The following METTL15 variants were observed in gnomAD, a reference collection of about 807,000 sequenced individuals.
The protein encoded by METTL15 is 12S rRNA N(4)-cytidine methyltransferase METTL15.
A neutral mutation model predicts 38.3 loss-of-function variants in METTL15; 34 were observed. That is an observed-to-expected ratio of 0.89 (90% CI 0.68 to 1.18). The LOEUF (loss-of-function observed/expected upper bound fraction) is 1.18, where lower values mean the gene tolerates loss of function less well. METTL15 is among the 50% of genes most tolerant of loss of function. The pLI is 0.00. For missense variants in METTL15, 438 were observed against 498.4 expected, an observed-to-expected ratio of 0.88 and a Z score of 1.15; for synonymous variants, 162 against 170.9, an observed-to-expected ratio of 0.95 and a Z score of 0.41.
At chr11:28,481,500 A>G (rs1055385245) in intron 6 of METTL15, among the ~76,000 whole-genome samples, 3 of 152,168 alleles carry the variant, frequency 2.0e-5, no homozygotes, top group Non-Finnish European at 4.4e-5. Context: ...CGTCCCTGCA[A>G]AGGGATTCAG....
chr11:28,338,380 C>G (rs1849920476), downstream of METTL15, among the ~76,000 whole-genome samples: 1 of 151,868 alleles, frequency 6.6e-6, no homozygotes, highest in African/African-American at 2.4e-5. Flanking sequence ...GTTTTGTTAC[C>G]AGGCCCAACA....
intron 5 of METTL15, among the ~76,000 whole-genome samples, chr11:28,372,973 T>C (rs894222801): frequency 6.6e-6 from 1 of 151,778 alleles, no homozygotes; most frequent in Non-Finnish European, 1.5e-5. Flanking sequence ...GGCTGCATAG[T>C]ATTCCATGGT....
At chr11:28,301,740 A>G (rs1429584024) in intron 6 of METTL15, among the ~76,000 whole-genome samples, 5 of 152,186 alleles carry the variant, frequency 3.3e-5, no homozygotes, top group Non-Finnish European at 5.9e-5. Flanking sequence ...GAAAAATGTT[A>G]AATAACATGT....
intron 3 of METTL15, among the ~76,000 whole-genome samples, chr11:28,131,402 C>A (rs1228493011): frequency 6.6e-6 from 1 of 152,050 alleles, no homozygotes; most frequent in East Asian, 1.9e-4. Context: ...CACCGGTGGC[C>A]CCAGTGAGAA....
chr11:28,197,736 A>G (rs1271455881), intron 3 of METTL15, among the ~76,000 whole-genome samples: 1 of 152,108 alleles, frequency 6.6e-6, no homozygotes, highest in East Asian at 1.9e-4. Context: ...ATGCACACAT[A>G]GACACTCTGG....
At chr11:28,468,839 T>C (rs939307357) in intron 6 of METTL15, among the ~76,000 whole-genome samples, 1 of 152,208 alleles carries the variant, frequency 6.6e-6, no homozygotes, top group Non-Finnish European at 1.5e-5. Flanking sequence ...AATAAATGCT[T>C]CATGGTTGAA....
chr11:28,197,015 C>A (rs1011588440), intron 3 of METTL15, among the ~76,000 whole-genome samples: 162 of 151,746 alleles, frequency 1.1e-3, no homozygotes, highest in African/African-American at 2.1e-3. Context: ...GTAATATTTA[C>A]ATTTTGAAAC....
intron 3 of METTL15, among the ~76,000 whole-genome samples, chr11:28,348,419 G>A (rs1450203579): frequency 1.3e-5 from 2 of 152,206 alleles, no homozygotes; most frequent in African/African-American, 4.8e-5. Flanking sequence ...TCAGGCTGGA[G>A]TACAGTGGTG....
In METTL15 at chr11:28,194,186, CT is replaced by C; in HGVS notation, c.271-16875del. ...TTTCTTTCTTTCTTTTTCTCTCTCT[CT>C]CTCTCCTCTCTCTCTCTCTCTCTCT... On this transcript the variant is annotated intron_variant, in intron 3 of 6. Coordinates refer to ENST00000407364, the MANE Select transcript of METTL15 (RefSeq NM_001113528.2). Among the ~76,000 whole-genome samples, 5 of 12,700 alleles carry C rather than the reference CT, an allele frequency of 3.9e-4. No individual in the cohort carries two copies. In the South Asian group the frequency reaches 0.024, roughly 60 times the overall value. 8.3% of individuals were successfully genotyped at this position (12,700 alleles called of 152,430 possible). A position where few individuals can be genotyped will look rare whatever the true frequency, so the allele number is the denominator to read the frequency against.
Position 28,522,104 on chromosome 11 carries a change from C to G in METTL15, c.*425-4374C>G, listed in dbSNP as rs192169194. ...ACTGAGCACACACAATAGGAAAGCT[C>G]TGTGCCTTAATATGAACAGGAGAAT... On this transcript the variant is annotated intron_variant and NMD_transcript_variant, in intron 6 of 7. Coordinates refer to the METTL15 transcript ENST00000532947. Among the ~76,000 whole-genome samples, 28 of 152,320 alleles carry G rather than the reference C, an allele frequency of 1.8e-4. No homozygotes were observed. The East Asian group carries it at 5.4e-3, about 29-fold the overall frequency.
chr11:28,277,129 A>G (rs764829619), intron 4 of METTL15, among the ~76,000 whole-genome samples: 27 of 152,296 alleles, frequency 1.8e-4, no homozygotes, highest in Non-Finnish European at 3.1e-4. Context: ...TGAATGGGAG[A>G]AAATATTTAA....
chr11:28,425,937 AT>A (rs1850860372), intron 6 of METTL15, among the ~76,000 whole-genome samples: 2 of 152,092 alleles, frequency 1.3e-5, no homozygotes, highest in South Asian at 4.1e-4. Flanking sequence ...ACTTTGGGCA[AT>A]TTATTTATTT....
chr11:28,175,453 G>T (rs1851037018), intron 3 of METTL15, among the ~76,000 whole-genome samples: 1 of 151,714 alleles, frequency 6.6e-6, no homozygotes, highest in Non-Finnish European at 1.5e-5. Context: ...AATCCTTAGG[G>T]TATATACCCA....
intron 6 of METTL15, among the ~76,000 whole-genome samples, chr11:28,307,657 T>G (rs988974484): frequency 6.6e-6 from 1 of 152,022 alleles, no homozygotes; most frequent in Non-Finnish European, 1.5e-5. Context: ...TTCAGTTTTC[T>G]CATTAGCAAA....
chr11:28,408,087 A>G (rs973562540), intron 5 of METTL15, among the ~76,000 whole-genome samples: 1 of 152,126 alleles, frequency 6.6e-6, no homozygotes, highest in Admixed American at 6.6e-5. Context: ...TTTCTCACTT[A>G]TAAGTGGGAG....
intron 4 of METTL15, among the ~76,000 whole-genome samples, chr11:28,220,507 C>G (rs1483918521): frequency 1.3e-5 from 2 of 152,128 alleles, no homozygotes; most frequent in Non-Finnish European, 2.9e-5. Context: ...AGTCTTGACT[C>G]TTTATCCAAT....
chr11:28,123,739 G>T, intron 3 of METTL15: 1 of 534,460 alleles, frequency 1.9e-6, no homozygotes, highest in Non-Finnish European at 3.2e-6. Flanking sequence ...TGCTAATTTA[G>T]GCATATATTT....
intron 3 of METTL15, among the ~76,000 whole-genome samples, chr11:28,144,335 A>G (rs1025830030): frequency 6.6e-6 from 1 of 152,158 alleles, no homozygotes; most frequent in African/African-American, 2.4e-5. Context: ...CCTAATACCT[A>G]TAAAAAGTTT....
At chr11:28,379,472 T>C (rs1850358267) in intron 5 of METTL15, among the ~76,000 whole-genome samples, 1 of 152,186 alleles carries the variant, frequency 6.6e-6, no homozygotes, top group African/African-American at 2.4e-5. Context: ...GACCCATTGA[T>C]CAGTCAGGAG....
Sources: allele counts gnomAD v4.1 joint callset (sites outside exome capture counted in the v4.1 genomes callset), GRCh38; gene constraint gnomAD v4.1.1; transcripts MANE v1.5; gene names NCBI Gene and HGNC (gene_info 2026-07-23, HGNC 2026-07-21).